Variants in SPOCK3 observed in about 807,000 individuals in gnomAD.
SPOCK3 encodes testican-3.
Under a neutral mutation model 56.6 loss-of-function variants are expected in SPOCK3, and 30 were observed. That is an observed-to-expected ratio of 0.53 (90% CI 0.40 to 0.72). The LOEUF (loss-of-function observed/expected upper bound fraction) is 0.72. Among genes scored for constraint, SPOCK3 ranks in the 30% least tolerant of loss-of-function variants. SPOCK3 has a pLI of 0.00. For missense variants in SPOCK3, 527 were observed against 530.0 expected (o/e 0.99, Z 0.06); for synonymous variants, 196 against 183.3 (o/e 1.07, Z -0.56).
At chr4:167,171,241 A>G (rs1242022777) in intron 2 of SPOCK3, among the ~76,000 whole-genome samples, 2 of 152,182 alleles carry the variant, frequency 1.3e-5, no homozygotes, top group Non-Finnish European at 2.9e-5. Context: ...CCAGCTGCAC[A>G]TTAAAGGTGT....
chr4:166,753,093 T>C (rs752221339), intron 8 of SPOCK3, among the ~76,000 whole-genome samples: 18 of 152,010 alleles, frequency 1.2e-4, no homozygotes, highest in Admixed American at 5.9e-4. Flanking sequence ...TATTCTAAGA[T>C]AAAGAATTTA....
chr4:167,101,752 G>GT (rs1759671925), intron 2 of SPOCK3, among the ~76,000 whole-genome samples: 1 of 115,584 alleles, frequency 8.7e-6, no homozygotes. Flanking sequence ...GTCTTGCTCT[G>GT]TCACCAGGCT....
intron 2 of SPOCK3, among the ~76,000 whole-genome samples, chr4:167,125,743 C>T (rs1266931528): frequency 6.6e-6 from 1 of 151,936 alleles, no homozygotes; most frequent in Non-Finnish European, 1.5e-5. Context: ...AAATTAAAAA[C>T]CCTCCATTTC....
intron 2 of SPOCK3, among the ~76,000 whole-genome samples, chr4:167,218,280 T>C (rs1735563889): frequency 6.6e-6 from 1 of 152,180 alleles, no homozygotes; most frequent in African/African-American, 2.4e-5. Flanking sequence ...AAACATTAAC[T>C]TGGCCTCAGA....
intron 7 of SPOCK3, among the ~76,000 whole-genome samples, chr4:166,790,590 T>A (rs1186251886): frequency 6.6e-6 from 1 of 152,192 alleles, no homozygotes; most frequent in African/African-American, 2.4e-5. Context: ...TTATAATTAA[T>A]CTACTACCTT....
intron 4 of SPOCK3, among the ~76,000 whole-genome samples, chr4:166,972,319 G>T (rs1428851768): frequency 2.0e-5 from 3 of 152,068 alleles, no homozygotes; most frequent in Non-Finnish European, 4.4e-5. Context: ...TCTTCAATAA[G>T]AAACTTAAAT....
chr4:167,108,761 G>A (rs1182967951), intron 2 of SPOCK3, among the ~76,000 whole-genome samples: 1 of 150,728 alleles, frequency 6.6e-6, no homozygotes, highest in Non-Finnish European at 1.5e-5. Flanking sequence ...AACAGTAACT[G>A]TAGTCAAAAA....
At chr4:166,850,896 T>C (rs370876077) in intron 6 of SPOCK3, among the ~76,000 whole-genome samples, 19 of 151,476 alleles carry the variant, frequency 1.3e-4, no homozygotes, top group East Asian at 3.9e-4. Flanking sequence ...GGGGGAGGGG[T>C]GCCCACCATT....
At chr4:166,854,596 T>A (rs1026664580) in intron 6 of SPOCK3, among the ~76,000 whole-genome samples, 2 of 152,214 alleles carry the variant, frequency 1.3e-5, no homozygotes, top group Non-Finnish European at 2.9e-5. Flanking sequence ...TATGCTATTT[T>A]TATATAACTT....
At chr4:166,987,677 C>G (rs1458138103) in intron 4 of SPOCK3, among the ~76,000 whole-genome samples, 3 of 152,116 alleles carry the variant, frequency 2.0e-5, no homozygotes, top group Admixed American at 1.3e-4. Flanking sequence ...ATAGAAGTTA[C>G]CAATGCCCTG....
chr4:166,951,914 G>A lies in SPOCK3; in HGVS notation c.351-39171C>T, dbSNP rs868721079. ...ATGCTAAAAACTCTCAAAAAATTAGGTATTGATGGGACATATCTCAAAATA... is the reference window on the plus strand; with the variant it reads ...ATGCTAAAAACTCTCAAAAAATTAGATATTGATGGGACATATCTCAAAATA... On this transcript the variant is annotated intron_variant, in intron 4 of 10. Coordinates refer to ENST00000357545, the MANE Select transcript of SPOCK3 (RefSeq NM_001040159.2). Among the ~76,000 whole-genome samples the A allele has an allele frequency of 3.8e-4, 58 of 152,268 alleles. 1 individual carries two copies. The highest frequency in any genetic ancestry group is 3.4e-3 in the Middle Eastern group (1 of 294).
At chr4:166,992,515 T>C (rs896067457) in intron 4 of SPOCK3, among the ~76,000 whole-genome samples, 3 of 151,952 alleles carry the variant, frequency 2.0e-5, no homozygotes, top group African/African-American at 7.2e-5. Context: ...CTCTTTCTCA[T>C]AGACAAAAAA....
rs147429394 is a variant in SPOCK3, at chr4:167,214,424, G to T, written c.189+19561C>A. Among the ~76,000 whole-genome samples the T allele has an allele frequency of 5.3e-3, 810 of 151,992 alleles. 2 individuals carry two copies. Among genetic ancestry groups the T allele is most frequent in the African/African-American group, 0.018 (756 of 41,478 alleles). ...AGCAAATAGAAAAAAACAGTTTAGC[G>T]AGAAATTATGATTTCAATTTTGTTT... On this transcript the variant is annotated intron_variant, in intron 2 of 10. Coordinates refer to ENST00000357545, the MANE Select transcript of SPOCK3 (RefSeq NM_001040159.2).
At chr4:167,116,905 G>GTATATATATATATA in intron 2 of SPOCK3, among the ~76,000 whole-genome samples, 1 of 108,734 alleles carries the variant, frequency 9.2e-6, no homozygotes, top group Non-Finnish European at 2.1e-5. Context: ...ACTTTTGTGT[G>GTATATATATATATA]TGTGTGTGTA....
At chr4:167,151,656 C>G (rs1463226901) in intron 2 of SPOCK3, among the ~76,000 whole-genome samples, 2 of 151,908 alleles carry the variant, frequency 1.3e-5, no homozygotes, top group African/African-American at 4.8e-5. Context: ...AGGATGGTCT[C>G]GATCTCCTGA....
intron 3 of SPOCK3, among the ~76,000 whole-genome samples, chr4:167,005,067 A>G (rs2150135120): frequency 6.6e-6 from 1 of 152,288 alleles, no homozygotes; most frequent in African/African-American, 2.4e-5. Flanking sequence ...TTAAAGTAAA[A>G]AGATGGAAAA....
intron 2 of SPOCK3, among the ~76,000 whole-genome samples, chr4:167,148,822 T>C (rs189625280): frequency 1.7e-4 from 26 of 152,234 alleles, no homozygotes; most frequent in African/African-American, 4.8e-4. Context: ...TTCATACATA[T>C]TAAAAATAAT....
Position 167,221,194 on chromosome 4 carries a change from C to T in SPOCK3, c.189+12791G>A, listed in dbSNP as rs1418588375. On this transcript the variant is annotated intron_variant, in intron 2 of 10. Coordinates refer to ENST00000357545, the MANE Select transcript of SPOCK3 (RefSeq NM_001040159.2). ...AGGCAACAAAGTGAAACCCCAGTCT[C>T]TACAAAAAATTAAAAAAAAAAAAAT... 2.0e-5 allele frequency among the ~76,000 whole-genome samples: 3 copies of T among 146,612 alleles called. No individual in the cohort carries two copies. In the East Asian group the frequency reaches 6.0e-4, roughly 29 times the overall value.
chr4:167,066,025 C>T (rs1756093873), intron 2 of SPOCK3, among the ~76,000 whole-genome samples: 1 of 151,816 alleles, frequency 6.6e-6, no homozygotes, highest in Admixed American at 6.6e-5. Context: ...AATATTAAAC[C>T]ACTGCCTACT....
Sources: allele counts gnomAD v4.1 joint callset (sites outside exome capture counted in the v4.1 genomes callset), GRCh38; gene constraint gnomAD v4.1.1; transcripts MANE v1.5; gene names NCBI Gene and HGNC (gene_info 2026-07-23, HGNC 2026-07-21).